GRIN3A: variants seen among roughly 807,000 people sequenced by gnomAD.
The protein encoded by GRIN3A is glutamate receptor ionotropic, NMDA 3A.
A neutral mutation model predicts 92.4 loss-of-function variants in GRIN3A; 47 were observed. The observed-to-expected ratio is 0.51, with a 90% confidence interval of 0.40 to 0.65. GRIN3A has a LOEUF of 0.65. Ranked by LOEUF, GRIN3A falls within the 30% of genes least tolerant of loss-of-function variation. The pLI is 0.00. For missense variants in GRIN3A, 1,324 were observed against 1,393.1 expected (o/e 0.95, Z 0.79); for synonymous variants, 527 against 540.6 (o/e 0.97, Z 0.35).
intron 1 of GRIN3A, among the ~76,000 whole-genome samples, chr9:101,720,784 T>C (rs1380386691): frequency 6.6e-6 from 1 of 152,190 alleles, no homozygotes; most frequent in Non-Finnish European, 1.5e-5. Context: ...ACATTTCTGT[T>C]TCTAGAAATT....
At chr9:101,703,336 T>C (rs1829776662) in intron 1 of GRIN3A, among the ~76,000 whole-genome samples, 1 of 152,152 alleles carries the variant, frequency 6.6e-6, no homozygotes, top group South Asian at 2.1e-4. Context: ...TCCATCTGAG[T>C]GGAACCTTCT....
rs1313413742 is a variant in GRIN3A at position 101,573,300 on chromosome 9, T to TGAGTTCCGA, written c.3213_3221dup (p.Arg1072_Ser1074dup). 6.2e-7 allele frequency: 1 copy of TGAGTTCCGA among 1,613,934 alleles called. No individual in the cohort carries two copies. The highest frequency in any genetic ancestry group is 1.7e-5 in the Admixed American group (1 of 60,000). ...CGAGCTCTGAGAGTTCCTGCATCAC[T>TGAGTTCCGA]GAGTTCCGAGATACATTTAGGGAGT... On this transcript the variant is annotated inframe_insertion, in exon 9 of 9. Transcript: ENST00000361820.
At chr9:101,624,691 G>A (rs1045403936) in intron 4 of GRIN3A, among the ~76,000 whole-genome samples, 3 of 152,120 alleles carry the variant, frequency 2.0e-5, no homozygotes, top group Non-Finnish European at 4.4e-5. Context: ...ACATACATGT[G>A]CATGTGTCTT....
At chr9:101,663,831 C>T (rs1829206332) in intron 3 of GRIN3A, among the ~76,000 whole-genome samples, 1 of 151,092 alleles carries the variant, frequency 6.6e-6, no homozygotes, top group Admixed American at 6.6e-5. Flanking sequence ...ATACTAGCTT[C>T]CTATTCCCTC....
intron 3 of GRIN3A, among the ~76,000 whole-genome samples, chr9:101,667,395 T>C (rs574602839): frequency 1.3e-5 from 2 of 152,114 alleles, no homozygotes; most frequent in South Asian, 4.1e-4. Context: ...AATATTACCT[T>C]ATTAATTAAA....
chr9:101,657,414 C>G (rs549080231), intron 3 of GRIN3A, among the ~76,000 whole-genome samples: 15 of 152,078 alleles, frequency 9.9e-5, no homozygotes, highest in African/African-American at 3.6e-4. Flanking sequence ...TTTAACCCAG[C>G]TACTCTTGGT....
chr9:101,661,067 A>T (rs1006980509), intron 3 of GRIN3A, among the ~76,000 whole-genome samples: 1 of 151,866 alleles, frequency 6.6e-6, no homozygotes, highest in Non-Finnish European at 1.5e-5. Context: ...GGTGGAAATG[A>T]AAATTTGCTC....
Position 101,570,085 on chromosome 9 carries a change from G to C in GRIN3A, c.*3089C>G, listed in dbSNP as rs1389620573. The C allele has an allele frequency of 6.6e-6, 1 of 152,092 alleles. No individual in the cohort carries two copies. Among genetic ancestry groups the C allele is most frequent in the African/African-American group, 2.4e-5 (1 of 41,380 alleles). 9.4% of individuals were successfully genotyped at this position (152,092 alleles called of 1,614,324 possible). A position where few individuals can be genotyped will look rare whatever the true frequency, so the allele number is the denominator to read the frequency against. ...TGTGGCTGCTTCACTTGGCTGTCCT[G>C]GTTATTCTTCCAATTTGTTTTTAAA... On this transcript the variant is annotated 3_prime_UTR_variant, in exon 9 of 9. Transcript: ENST00000361820.
At chr9:101,590,670 G>A (rs556237516) in intron 6 of GRIN3A, among the ~76,000 whole-genome samples, 1 of 152,124 alleles carries the variant, frequency 6.6e-6, no homozygotes, top group Admixed American at 6.5e-5. Flanking sequence ...ATGAGCCACC[G>A]CGCCCGGCCA....
intron 6 of GRIN3A, among the ~76,000 whole-genome samples, chr9:101,598,808 T>C (rs1588242682): frequency 6.6e-6 from 1 of 152,178 alleles, no homozygotes; most frequent in African/African-American, 2.4e-5. Context: ...AGCATAAAAA[T>C]TGGCTCCTCC....
chr9:101,664,478 A>G (rs937121801), intron 3 of GRIN3A, among the ~76,000 whole-genome samples: 3 of 151,938 alleles, frequency 2.0e-5, no homozygotes, highest in Non-Finnish European at 2.9e-5. Flanking sequence ...ATTGTAAAAT[A>G]AATTATTCTA....
rs755912820 is a variant in GRIN3A at position 101,670,291 on chromosome 9, C to A, written c.2121G>T (p.Gly707=). 1.2e-6 allele frequency: 2 copies of A among 1,614,038 alleles called. No homozygotes were observed. Among genetic ancestry groups the A allele is most frequent in the Admixed American group, 3.3e-5 (2 of 60,006 alleles). ...WKSPFGLTPK[G]RNRSKVFSFS... Reference sequence around the variant, plus strand: ...AGGAGAAGACTTTACTTCTATTTCGCCCCTTGGGAGTCAAACCAAATGGAC... The same window carrying A: ...AGGAGAAGACTTTACTTCTATTTCGACCCTTGGGAGTCAAACCAAATGGAC... Residue 707 remains glycine, a synonymous_variant, in exon 3 of 9, where the codon GGG becomes GGT. Transcript: ENST00000361820.
In GRIN3A at chr9:101,602,413, A is replaced by G. The variant is rs192274590; in HGVS notation, c.2766+10963T>C. ...ACCCGAATCCTCAAAGCCTGGAGGC[A>G]ACTCCTCTCTGCACAGGGAATAGAG... On this transcript the variant is annotated intron_variant, in intron 6 of 8. Coordinates refer to ENST00000361820, the MANE Select transcript of GRIN3A (RefSeq NM_133445.3). Among the ~76,000 whole-genome samples, 491 of 152,286 alleles carry G rather than the reference A, an allele frequency of 3.2e-3. 2 individuals are homozygous for G. The highest frequency in any genetic ancestry group is 5.0e-3 in the Non-Finnish European group (340 of 68,010).
At chr9:101,592,682 T>A (rs1234958592) in intron 6 of GRIN3A, 3 of 152,132 alleles carry the variant, frequency 2.0e-5, no homozygotes, top group Admixed American at 6.6e-5. Context: ...TTCTAAGTAA[T>A]CTATTAAATA....
intron 1 of GRIN3A, among the ~76,000 whole-genome samples, chr9:101,691,692 C>T (rs928082426): frequency 1.8e-4 from 28 of 152,166 alleles, no homozygotes; most frequent in African/African-American, 6.5e-4. Context: ...TCTGCATTGT[C>T]CTCTTCAGCA....
At chr9:101,692,908 T>A (rs1829638516) in intron 1 of GRIN3A, among the ~76,000 whole-genome samples, 1 of 152,202 alleles carries the variant, frequency 6.6e-6, no homozygotes, top group African/African-American at 2.4e-5. Context: ...GTGTAGTCCC[T>A]GCCCAGAAAT....
At position 101,666,196 on chromosome 9, in the gene GRIN3A, G is replaced by A. The variant is rs1372400551; in HGVS notation, c.2352+3864C>T. 3.9e-5 allele frequency among the ~76,000 whole-genome samples: 6 copies of A among 151,906 alleles called. No homozygotes were observed. In the East Asian group the frequency reaches 7.8e-4, roughly 20 times the overall value. On this transcript the variant is annotated intron_variant, in intron 3 of 8. Coordinates refer to ENST00000361820, the MANE Select transcript of GRIN3A (RefSeq NM_133445.3). ...CCTATCACCTTCTCCCCTGGGGATC[G>A]CATACTCCCCTAGGGCTTTAATAAA...
intron 4 of GRIN3A, among the ~76,000 whole-genome samples, chr9:101,625,293 A>G (rs995458011): frequency 6.6e-6 from 1 of 152,222 alleles, no homozygotes; most frequent in Non-Finnish European, 1.5e-5. Flanking sequence ...TTCTGGGCTC[A>G]GTCCTTCCTC....
chr9:101,699,190 A>G (rs1467622898), intron 1 of GRIN3A, among the ~76,000 whole-genome samples: 12 of 152,206 alleles, frequency 7.9e-5, no homozygotes, highest in Non-Finnish European at 8.8e-5. Context: ...AAATAAAGAT[A>G]TGAACAGATA....
Sources: gnomAD v4.1 joint callset for allele counts (sites outside exome capture counted in the v4.1 genomes callset) on GRCh38, gnomAD v4.1.1 for gene constraint, MANE v1.5 for transcripts, NCBI Gene and HGNC (gene_info 2026-07-23, HGNC 2026-07-21) for gene names.